ARHGAP10: variants seen among roughly 807,000 people sequenced by gnomAD.
The protein encoded by ARHGAP10 is rho GTPase-activating protein 10.
ARHGAP10 carries 87 observed loss-of-function variants against 108.6 expected under a neutral mutation model. That is an observed-to-expected ratio of 0.80 (90% CI 0.67 to 0.96). The LOEUF (loss-of-function observed/expected upper bound fraction) is 0.96. Among genes scored for constraint, ARHGAP10 ranks in the 40% least tolerant of loss-of-function variants. The pLI, the probability that ARHGAP10 is intolerant of heterozygous loss-of-function variation, is 0.00. For missense variants in ARHGAP10, 939 were observed against 954.5 expected (o/e 0.98, Z 0.21); for synonymous variants, 347 against 341.1 (o/e 1.02, Z -0.19).
chr4:147,911,593 A>AG (rs1736737002), intron 12 of ARHGAP10, among the ~76,000 whole-genome samples: 1 of 151,970 alleles, frequency 6.6e-6, no homozygotes, highest in South Asian at 2.1e-4. Flanking sequence ...TGATCTCCTG[A>AG]CTTCGTGATC....
Position 147,946,631 on chromosome 4 carries a change from A to C in ARHGAP10, c.1318A>C (p.Asn440His), listed in dbSNP as rs752165794. 6 of 1,612,572 alleles carry C rather than the reference A, an allele frequency of 3.7e-6. No homozygotes were observed. In the South Asian group the frequency reaches 5.5e-5, roughly 15 times the overall value. Residue 440 changes from asparagine to histidine, a missense_variant, in exon 15 of 23, where the codon AAT becomes CAT. Asn to His is a moderately conservative substitution (Grantham distance 68, BLOSUM62 1). Transcript: ENST00000336498. The part of the protein sequence containing the change: ...LSMLMDVKTC[N>H]EVDLENSADW... The stretch of plus-strand genomic sequence containing the variant: ...TTGCTCACTAGATGTAAAAACATGC[A>C]ATGAGGTGGACCTGGAGAATTCTGC...
chr4:147,886,079 A>G (rs1735541667), intron 10 of ARHGAP10, among the ~76,000 whole-genome samples: 2 of 152,234 alleles, frequency 1.3e-5, no homozygotes, highest in South Asian at 2.1e-4. Flanking sequence ...TATAAGGGGT[A>G]TATGAAACGT....
chr4:147,862,066 A>T (rs1220951875), intron 5 of ARHGAP10: 2 of 152,310 alleles, frequency 1.3e-5, no homozygotes, highest in African/African-American at 4.8e-5. Flanking sequence ...CGCCCAAGGT[A>T]TTTGTGCCAA....
intron 19 of ARHGAP10, among the ~76,000 whole-genome samples, chr4:148,026,574 G>C (rs1274312538): frequency 2.0e-5 from 3 of 152,162 alleles, no homozygotes; most frequent in African/African-American, 7.2e-5. Flanking sequence ...ATTTGCAAAA[G>C]ACTGTAAAAT....
At chr4:147,998,603 A>T (rs538800860) in intron 18 of ARHGAP10, among the ~76,000 whole-genome samples, 108 of 152,380 alleles carry the variant, frequency 7.1e-4, no homozygotes, top group Non-Finnish European at 1.4e-3. Context: ...TAGAATCAAT[A>T]CTTTATAACA....
chr4:147,810,067 T>G (rs1214600355), intron 1 of ARHGAP10, among the ~76,000 whole-genome samples: 2 of 152,218 alleles, frequency 1.3e-5, no homozygotes, highest in East Asian at 3.8e-4. Flanking sequence ...GATTTTCAAT[T>G]TCTTATAGCA....
chr4:147,899,808 AC>A (rs1475881139), intron 10 of ARHGAP10, among the ~76,000 whole-genome samples: 1 of 151,342 alleles, frequency 6.6e-6, no homozygotes, highest in Non-Finnish European at 1.5e-5. Context: ...AACTTTAAAA[AC>A]TTTTTTTGGC....
chr4:147,796,438 G>A (rs1466252553), intron 1 of ARHGAP10, among the ~76,000 whole-genome samples: 2 of 152,132 alleles, frequency 1.3e-5, no homozygotes, highest in Non-Finnish European at 2.9e-5. Context: ...GACAACAACG[G>A]AGCTTCCTCT....
chr4:147,911,569 A>C lies in ARHGAP10; in HGVS notation c.1163-1505A>C, dbSNP rs186800432. Among the ~76,000 whole-genome samples, 15 of 152,214 alleles carry C rather than the reference A, an allele frequency of 9.9e-5. No individual in the cohort carries two copies. The East Asian group carries it at 1.4e-3, about 14-fold the overall frequency. On this transcript the variant is annotated intron_variant, in intron 12 of 22. Transcript: ENST00000336498. ...AGTAGAGACGGGGTTTCACCGTGTTAGCCAGGATGGTCTTGATCTCCTGAC... is the reference window on the plus strand; with the variant it reads ...AGTAGAGACGGGGTTTCACCGTGTTCGCCAGGATGGTCTTGATCTCCTGAC...
At chr4:148,028,724 A>T (rs937336095) in intron 19 of ARHGAP10, among the ~76,000 whole-genome samples, 3 of 152,360 alleles carry the variant, frequency 2.0e-5, no homozygotes, top group Middle Eastern at 3.4e-3. Flanking sequence ...AAAGGCAGCC[A>T]TGGTAAAAGG....
intron 5 of ARHGAP10, chr4:147,858,479 A>G (rs1734185332): frequency 6.6e-6 from 1 of 152,172 alleles, no homozygotes; most frequent in African/African-American, 2.4e-5. Context: ...AATGTTAGCT[A>G]TTTAGTTACA....
At chr4:148,050,110 G>A (rs920577544) in intron 20 of ARHGAP10, among the ~76,000 whole-genome samples, 41 of 152,090 alleles carry the variant, frequency 2.7e-4, no homozygotes, top group Middle Eastern at 6.8e-3. Context: ...CAAGTGATCC[G>A]CCTGCCTTGG....
At chr4:147,766,319 T>C (rs777000866) in intron 1 of ARHGAP10, among the ~76,000 whole-genome samples, 7 of 151,072 alleles carry the variant, frequency 4.6e-5, no homozygotes, top group South Asian at 2.1e-4. Flanking sequence ...TATTTGCATA[T>C]AACCCACCCA....
intron 18 of ARHGAP10, among the ~76,000 whole-genome samples, chr4:148,017,682 A>ATATATATATATATATATG (rs1437383455): frequency 1.0e-3 from 135 of 135,208 alleles, no homozygotes; most frequent in Non-Finnish European, 1.5e-3. Flanking sequence ...ATATATATAT[A>ATATATATATATATATATG]TGTGTGTGTA....
intron 1 of ARHGAP10, among the ~76,000 whole-genome samples, chr4:147,739,720 G>A (rs906187709): frequency 6.6e-6 from 1 of 150,614 alleles, no homozygotes; most frequent in African/African-American, 2.4e-5. Flanking sequence ...ATAGCTGTTT[G>A]TCACCTTATA....
rs566163200 is a variant in ARHGAP10 at position 147,939,551 on chromosome 4, A to G, written c.1229-274A>G. On this transcript the variant is annotated intron_variant, in intron 13 of 22. Coordinates refer to ENST00000336498, the MANE Select transcript of ARHGAP10 (RefSeq NM_024605.4). ...ACAAATTGGATTGGTATTCATTTCA[A>G]TGTATCCATGATACTTAACTAACTT... Among the ~76,000 whole-genome samples, 20 of 152,344 alleles carry G rather than the reference A, an allele frequency of 1.3e-4. 1 individual carries two copies. The East Asian group carries it at 3.1e-3, about 23-fold the overall frequency.
At chr4:147,773,764 C>G (rs1369564742) in intron 1 of ARHGAP10, among the ~76,000 whole-genome samples, 1 of 152,194 alleles carries the variant, frequency 6.6e-6, no homozygotes, top group Non-Finnish European at 1.5e-5. Context: ...GATTCTCTAC[C>G]TTGGTTCTTT....
chr4:147,749,450 T>G (rs1325199305), intron 1 of ARHGAP10, among the ~76,000 whole-genome samples: 1 of 152,246 alleles, frequency 6.6e-6, no homozygotes, highest in Admixed American at 6.5e-5. Flanking sequence ...TAAGAAAAAC[T>G]AATTTTTGTG....
Position 147,906,636 on chromosome 4 carries a change from A to C in ARHGAP10, c.1035-2A>C, listed in dbSNP as rs1399316582. The C allele has an allele frequency of 1.9e-6, 3 of 1,614,114 alleles. No individual in the cohort carries two copies. The highest frequency in any genetic ancestry group is 2.5e-6 in the Non-Finnish European group (3 of 1,179,988). On this transcript the variant is annotated splice_acceptor_variant, in intron 10 of 22. Coordinates refer to ENST00000336498, the MANE Select transcript of ARHGAP10 (RefSeq NM_024605.4). LOFTEE classifies it high-confidence loss of function. The stretch of plus-strand genomic sequence containing the variant: ...ACCTGATATGTTACTGGTGTCTTTC[A>C]GGCCTGGCGTTTCCTTGACCATGCA...
Sources: gnomAD v4.1 joint callset for allele counts (sites outside exome capture counted in the v4.1 genomes callset) on GRCh38, gnomAD v4.1.1 for gene constraint, MANE v1.5 for transcripts, NCBI Gene and HGNC (gene_info 2026-07-23, HGNC 2026-07-21) for gene names.